Variants in COL5A2 observed in about 807,000 individuals in gnomAD.
COL5A2 encodes the protein collagen alpha-2(V) chain.
COL5A2 carries 23 observed loss-of-function variants against 208.2 expected under a neutral mutation model. The ratio of observed to expected loss-of-function variants is 0.11; its 90% CI spans 0.08 to 0.16. The LOEUF (loss-of-function observed/expected upper bound fraction) is 0.16. Among genes scored for constraint, COL5A2 ranks in the 10% least tolerant of loss-of-function variants. The probability of loss-of-function intolerance (pLI) is 1.00; values close to 1 mark genes in which losing one functional copy is unlikely to be tolerated. For missense variants in COL5A2, 1,590 were observed against 1,956.4 expected (o/e 0.81, Z 3.53); for synonymous variants, 625 against 628.5 (o/e 0.99, Z 0.08).
At chr2:189,427,649 G>C in the COL5A2 span, among the ~76,000 whole-genome samples, 3 of 152,352 alleles carry the variant, frequency 2.0e-5, no homozygotes, top group South Asian at 6.2e-4. Flanking sequence ...CAAAGCCACA[G>C]GGACAGAGCT....
chr2:189,254,776 T>C, the COL5A2 span, among the ~76,000 whole-genome samples: 1 of 152,210 alleles, frequency 6.6e-6, no homozygotes, highest in African/African-American at 2.4e-5. Flanking sequence ...TGTTGAGGCA[T>C]GCCAGGAAAA....
At chr2:189,062,792 A>G (rs1209012789) in intron 29 of COL5A2, 73 bp downstream of exon 29, 2 of 1,573,696 alleles carry the variant, frequency 1.3e-6, no homozygotes, top group Non-Finnish European at 1.7e-6. Context: ...ATAAGTCTTG[A>G]ACAAACATCA....
Position 189,057,310 on chromosome 2 carries a change from A to AG in COL5A2, c.2337+9_2337+10insC, listed in dbSNP as rs1238588012. 6.7e-7 allele frequency: 1 copy of AG among 1,501,858 alleles called. No homozygotes were observed. Among genetic ancestry groups the AG allele is most frequent in the East Asian group, 2.3e-5 (1 of 44,362 alleles). 93.0% of individuals were successfully genotyped at this position (1,501,858 alleles called of 1,614,324 possible). ...GAACTGAAAAAAAAAAAAAAAAAAA[A>AG]AGGACTTACTCTGTCACCCTTGGGG... On this transcript the variant is annotated intron_variant, in intron 34 of 53. Transcript: ENST00000374866.
At chr2:189,332,593 T>C in the COL5A2 span, among the ~76,000 whole-genome samples, 11 of 151,762 alleles carry the variant, frequency 7.2e-5, no homozygotes, top group Non-Finnish European at 1.2e-4. Context: ...TAGAGAGGAG[T>C]TTCCCTACAC....
chr2:189,048,275 A>G lies in COL5A2; in HGVS notation c.3148-13T>C. ...TGCCAGCTGGACCCTATAAAGAATA[A>G]TGGTTTGAAAAACTACTTAACTGAG... On this transcript the variant is annotated splice_polypyrimidine_tract_variant and intron_variant, in intron 44 of 53. Transcript: ENST00000374866. 6.2e-7 allele frequency: 1 copy of G among 1,613,430 alleles called. No individual in the cohort carries two copies. Among genetic ancestry groups the G allele is most frequent in the Non-Finnish European group, 8.5e-7 (1 of 1,179,428 alleles).
At position 189,045,217 on chromosome 2, in the gene COL5A2, T is replaced by C. The variant is rs766499543; in HGVS notation, c.3325A>G (p.Ile1109Val). The change falls in exon 47 of 54, where the codon ATA becomes GTA. Residue 1109 changes from isoleucine to valine, a missense_variant. Physicochemically the swap from Ile to Val is conservative, Grantham distance 29. Coordinates refer to ENST00000374866, the MANE Select transcript of COL5A2 (RefSeq NM_000393.5). ...QRGDPGSRGP[I>V]GPPGRAGKRG... ...TTCCCAGCTCGACCAGGTGGTCCTA[T>C]AGGACCCCGAGAACCCTAAAAGAAA... 1.1e-5 allele frequency: 17 copies of C among 1,609,052 alleles called. No homozygotes were observed. Among genetic ancestry groups the C allele is most frequent in the Admixed American group, 1.0e-4 (6 of 59,108 alleles).
At chr2:189,402,705 G>T in the COL5A2 span, among the ~76,000 whole-genome samples, 2 of 152,116 alleles carry the variant, frequency 1.3e-5, no homozygotes, top group African/African-American at 2.4e-5. Context: ...ATGGTTGCAG[G>T]TGTGCAGTCT....
chr2:189,254,443 T>C, the COL5A2 span, among the ~76,000 whole-genome samples: 31 of 152,220 alleles, frequency 2.0e-4, no homozygotes, highest in Non-Finnish European at 4.1e-4. Context: ...ACTGTTCCAC[T>C]AAAATATTTT....
the COL5A2 span, among the ~76,000 whole-genome samples, chr2:189,343,025 A>G: frequency 6.6e-6 from 1 of 152,144 alleles, no homozygotes; most frequent in African/African-American, 2.4e-5. Context: ...CCAATTTCCT[A>G]TCAGGTTTTT....
chr2:189,367,334 T>C, the COL5A2 span, among the ~76,000 whole-genome samples: 2 of 152,202 alleles, frequency 1.3e-5, no homozygotes, highest in Non-Finnish European at 2.9e-5. Context: ...CCCTCAACTC[T>C]TACTCAAGTG....
the COL5A2 span, among the ~76,000 whole-genome samples, chr2:189,337,861 AT>A: frequency 6.6e-6 from 1 of 151,518 alleles, no homozygotes; most frequent in Non-Finnish European, 1.5e-5. Flanking sequence ...TCCCTGCAAC[AT>A]TTTATGACTC....
At chr2:189,430,861 T>A in the COL5A2 span, among the ~76,000 whole-genome samples, 1 of 152,198 alleles carries the variant, frequency 6.6e-6, no homozygotes, top group African/African-American at 2.4e-5. Context: ...ACAGACAGAC[T>A]GCCTCCTCAA....
chr2:189,067,019 A>G (rs1686170434), intron 21 of COL5A2, among the ~76,000 whole-genome samples: 1 of 152,176 alleles, frequency 6.6e-6, no homozygotes, highest in African/African-American at 2.4e-5. Flanking sequence ...TAAGAGATTT[A>G]TTTTTAAAAT....
chr2:189,078,325 G>A (rs989908244), intron 16 of COL5A2, among the ~76,000 whole-genome samples, 191 bp downstream of exon 16: 2 of 151,678 alleles, frequency 1.3e-5, no homozygotes, highest in East Asian at 3.9e-4. Context: ...GCAAAGGGAA[G>A]GTTGTTCAAG....
intron 1 of COL5A2, among the ~76,000 whole-genome samples, chr2:189,169,996 C>G (rs879711763): frequency 6.6e-6 from 1 of 152,172 alleles, no homozygotes; most frequent in Admixed American, 6.5e-5. Flanking sequence ...GGATTACAGG[C>G]GTGAGCCACC....
At chr2:189,321,893 C>T in the COL5A2 span, among the ~76,000 whole-genome samples, 5 of 152,146 alleles carry the variant, frequency 3.3e-5, no homozygotes, top group Non-Finnish European at 5.9e-5. Flanking sequence ...AGCACCACAT[C>T]GCACCTATTC....
chr2:189,102,272 A>G (rs1164125367), intron 3 of COL5A2, among the ~76,000 whole-genome samples: 3 of 152,078 alleles, frequency 2.0e-5, no homozygotes, highest in African/African-American at 7.2e-5. Flanking sequence ...CTTGCTTTAT[A>G]TGTAGGGGAA....
In COL5A2 at chr2:189,068,216, C is replaced by T. The variant is rs528556533; in HGVS notation, c.1302+10G>A. On this transcript the variant is annotated intron_variant, in intron 20 of 53. Coordinates refer to ENST00000374866, the MANE Select transcript of COL5A2 (RefSeq NM_000393.5). ...ATTTGAGCTTCACATGCCATAAATGCAGTACTCACCGTTGGGCCTTTGGCA... is the reference window on the plus strand; with the variant it reads ...ATTTGAGCTTCACATGCCATAAATGTAGTACTCACCGTTGGGCCTTTGGCA... 4 of 1,613,466 alleles carry T rather than the reference C, an allele frequency of 2.5e-6. No individual in the cohort carries two copies. The South Asian group carries it at 4.4e-5, about 18-fold the overall frequency.
At chr2:189,080,323 A>G (rs1399004797) in intron 13 of COL5A2, among the ~76,000 whole-genome samples, 2 of 152,174 alleles carry the variant, frequency 1.3e-5, no homozygotes, top group African/African-American at 2.4e-5. Flanking sequence ...CAGTGGCTTT[A>G]GAGGAAACAC....
Sources: allele counts gnomAD v4.1 joint callset (sites outside exome capture counted in the v4.1 genomes callset), GRCh38; gene constraint gnomAD v4.1.1; transcripts MANE v1.5; gene names NCBI Gene and HGNC (gene_info 2026-07-23, HGNC 2026-07-21).